Variants in RIMS2 observed in about 807,000 individuals in gnomAD.
The protein encoded by RIMS2 is regulating synaptic membrane exocytosis protein 2.
In RIMS2, 59 loss-of-function variants were observed where a neutral mutation model predicts 174.4. The observed-to-expected ratio is 0.34, with a 90% CI of 0.27 to 0.42. The LOEUF (loss-of-function observed/expected upper bound fraction) is 0.42, where lower values mean the gene tolerates loss of function less well. RIMS2 is among the 10% of genes least tolerant of loss of function. The pLI is 1.00. For synonymous variants in RIMS2, 606 were observed against 572.5 expected (o/e 1.06, Z -0.84); for missense variants, 1,620 against 1,666.3 (o/e 0.97, Z 0.48).
chr8:103,741,536 AC>A (rs1318573448), intron 2 of RIMS2, among the ~76,000 whole-genome samples: 2 of 152,056 alleles, frequency 1.3e-5, no homozygotes, highest in African/African-American at 2.4e-5. Context: ...ATGATTTGTT[AC>A]CCAGGTGGTG....
At chr8:104,142,840 A>G (rs1298311634) in intron 19 of RIMS2, among the ~76,000 whole-genome samples, 1 of 152,170 alleles carries the variant, frequency 6.6e-6, no homozygotes, top group Admixed American at 6.5e-5. Context: ...ACCCTCTAAT[A>G]CATTTAGATA....
At chr8:104,235,284 A>G (rs1050508558) in intron 19 of RIMS2, among the ~76,000 whole-genome samples, 4 of 152,162 alleles carry the variant, frequency 2.6e-5, no homozygotes, top group African/African-American at 4.8e-5. Flanking sequence ...GAAGCCCAGC[A>G]TGCTTTGAGA....
At chr8:104,022,609 G>A (rs995501628) in intron 19 of RIMS2, among the ~76,000 whole-genome samples, 5 of 151,958 alleles carry the variant, frequency 3.3e-5, no homozygotes, top group African/African-American at 1.2e-4. Flanking sequence ...TCAAACTCCT[G>A]ACCTCAGGTG....
rs749180665 is a variant in RIMS2, at chr8:104,093,644, G to A, written c.3334+79029G>A. On this transcript the variant is annotated intron_variant, in intron 19 of 23. Transcript: ENST00000504942. ...GCCCAGGAGGAAACAAGAAAATCAG[G>A]TAAGGGGATTTCAACAACAAACTTC... The A allele has an allele frequency of 3.8e-6, 6 of 1,589,442 alleles. No homozygotes were observed. The highest frequency in any genetic ancestry group is 1.7e-5 in the Admixed American group (1 of 58,588).
At chr8:104,238,405 T>C (rs920199185) in intron 19 of RIMS2, among the ~76,000 whole-genome samples, 1 of 151,732 alleles carries the variant, frequency 6.6e-6, no homozygotes, top group Non-Finnish European at 1.5e-5. Context: ...CCATAGCACA[T>C]GTATACCTAT....
intron 2 of RIMS2, among the ~76,000 whole-genome samples, chr8:103,736,038 G>A (rs11775418): frequency 0.23 from 35,024 of 152,018 alleles, 4,325 homozygotes; most frequent in Non-Finnish European, 0.25. Flanking sequence ...CAGTTTATGC[G>A]CGTAATATTC....
chr8:104,070,890 C>T (rs1412418291), intron 19 of RIMS2, among the ~76,000 whole-genome samples: 1 of 152,128 alleles, frequency 6.6e-6, no homozygotes, highest in East Asian at 1.9e-4. Flanking sequence ...TAAGATCCTA[C>T]ATACCCACTA....
rs1029964373 is a variant in RIMS2 at position 103,854,647 on chromosome 8, G to A, written c.699-30651G>A. 1.3e-4 allele frequency among the ~76,000 whole-genome samples: 20 copies of A among 151,878 alleles called. 2 individuals carry two copies. Among genetic ancestry groups the A allele is most frequent in the Admixed American group, 1.1e-3 (17 of 15,234 alleles). On this transcript the variant is annotated intron_variant, in intron 3 of 23. Transcript: ENST00000504942. Reference sequence around the variant, plus strand: ...ACATATGCTTTTTGTTTTGAATTATGTTTATGTGGTAAATAATATTTATTG... The same window carrying A: ...ACATATGCTTTTTGTTTTGAATTATATTTATGTGGTAAATAATATTTATTG...
chr8:103,696,818 G>A (rs752345897), intron 1 of RIMS2, among the ~76,000 whole-genome samples: 4 of 135,448 alleles, frequency 3.0e-5, no homozygotes, highest in African/African-American at 8.5e-5. Context: ...AGCCAAGATC[G>A]CGTCACTGCA....
intron 1 of RIMS2, among the ~76,000 whole-genome samples, chr8:103,660,576 C>A (rs1319549914): frequency 6.6e-6 from 1 of 151,346 alleles, no homozygotes; most frequent in African/African-American, 2.4e-5. Context: ...AATAAACATG[C>A]TGCTTCGTGG....
In RIMS2 at chr8:103,982,934, C is replaced by T. The variant is rs1282105273; in HGVS notation, c.2928-6371C>T. ...GCCAAGAGAAATAAATAAAGGGCAT[C>T]TAAATTGGAAAGTTAGAAGTCAAGT... On this transcript the variant is annotated intron_variant, in intron 16 of 23. Transcript: ENST00000504942. Among the ~76,000 whole-genome samples the T allele has an allele frequency of 2.0e-5, 3 of 152,142 alleles. No individual in the cohort carries two copies. In the East Asian group the frequency reaches 5.8e-4, roughly 29 times the overall value.
chr8:103,560,607 T>C (rs930463915), intron 1 of RIMS2, among the ~76,000 whole-genome samples: 13 of 152,190 alleles, frequency 8.5e-5, no homozygotes, highest in Admixed American at 2.0e-4. Context: ...AGGTAGCTCA[T>C]ATAATAATTC....
At chr8:103,750,854 T>G (rs527434505) in intron 2 of RIMS2, among the ~76,000 whole-genome samples, 10 of 152,092 alleles carry the variant, frequency 6.6e-5, no homozygotes, top group Admixed American at 1.3e-4. Context: ...TCTTTATAAA[T>G]TACCCAGCGA....
At chr8:103,711,448 C>T (rs1233002964) in intron 2 of RIMS2, among the ~76,000 whole-genome samples, 9 of 152,118 alleles carry the variant, frequency 5.9e-5, no homozygotes, top group Admixed American at 3.3e-4. Flanking sequence ...ATTATAATAG[C>T]AATTTTAATT....
chr8:103,811,110 T>A (rs1409742287), intron 3 of RIMS2, among the ~76,000 whole-genome samples: 2 of 152,160 alleles, frequency 1.3e-5, no homozygotes, highest in Admixed American at 1.3e-4. Flanking sequence ...TTCCTTATAT[T>A]GTGGCTGTTG....
intron 21 of RIMS2, 78 bp downstream of exon 27, chr8:104,248,891 T>TTCTCTCTCTCTCTCTC (rs368851079): frequency 0.075 from 46,166 of 617,836 alleles, 1,378 homozygotes; most frequent in Non-Finnish European, 0.088. Context: ...TCATAGAATC[T>TTCTCTCTCTCTCTCTC]TCTCTCTCTC....
chr8:104,196,171 G>C (rs1266152952), intron 19 of RIMS2, among the ~76,000 whole-genome samples: 1 of 152,012 alleles, frequency 6.6e-6, no homozygotes, highest in Non-Finnish European at 1.5e-5. Context: ...AAAACACTTT[G>C]TCTTTTTAAC....
chr8:104,084,911 G>T (rs1411896920), intron 19 of RIMS2, among the ~76,000 whole-genome samples: 1 of 152,110 alleles, frequency 6.6e-6, no homozygotes, highest in Non-Finnish European at 1.5e-5. Flanking sequence ...TGGAAGAGCA[G>T]TTACACACCC....
intron 1 of RIMS2, among the ~76,000 whole-genome samples, chr8:103,687,692 C>T (rs1593506): frequency 0.35 from 53,807 of 151,920 alleles, 10,235 homozygotes; most frequent in East Asian, 0.76. Flanking sequence ...CTCTGGTGAT[C>T]ATAATTCTAC....
Sources: allele counts gnomAD v4.1 joint callset (sites outside exome capture counted in the v4.1 genomes callset), GRCh38; gene constraint gnomAD v4.1.1; transcripts MANE v1.5; gene names NCBI Gene and HGNC (gene_info 2026-07-23, HGNC 2026-07-21).